Variants in AKAP10 observed in about 807,000 individuals in gnomAD.
The protein encoded by AKAP10 is A-kinase anchor protein 10, mitochondrial.
In AKAP10, 24 loss-of-function variants were observed where a neutral mutation model predicts 80.8. That is an observed-to-expected ratio of 0.30 (90% confidence interval 0.22 to 0.42). The LOEUF is 0.42. Among genes scored for constraint, AKAP10 ranks in the 10% least tolerant of loss-of-function variants. AKAP10 has a pLI of 1.00. For synonymous variants in AKAP10, 291 were observed against 277.7 expected (o/e 1.05, Z -0.48); for missense variants, 661 against 794.9 (o/e 0.83, Z 2.03).
In AKAP10 at chr17:19,927,536, C is replaced by G. The variant is rs571999349; in HGVS notation, c.1642-3019G>C. ...CAAAGGGGCTGAGCAAGGTGGCTCACGCCTGTACTCCCCACACTTTGGGAG... is the reference window on the plus strand; with the variant it reads ...CAAAGGGGCTGAGCAAGGTGGCTCAGGCCTGTACTCCCCACACTTTGGGAG... On this transcript the variant is annotated intron_variant, in intron 10 of 14. Transcript: ENST00000225737. 3.9e-5 allele frequency among the ~76,000 whole-genome samples: 6 copies of G among 152,160 alleles called. No homozygotes were observed. In the East Asian group the frequency reaches 1.2e-3, roughly 29 times the overall value.
chr17:19,975,403 G>T lies in AKAP10; in HGVS notation c.88+2189C>A, dbSNP rs114407038. Among the ~76,000 whole-genome samples the T allele has an allele frequency of 1.8e-3, 267 of 152,244 alleles. 1 individual carries two copies. Among genetic ancestry groups the T allele is most frequent in the African/African-American group, 6.3e-3 (260 of 41,534 alleles). On this transcript the variant is annotated intron_variant, in intron 1 of 14. Transcript: ENST00000225737. The stretch of plus-strand genomic sequence containing the variant: ...TGCCTACATCTATGCTCCAGTCACA[G>T]TAGCCTTCTTTCCTCTCTTGAAGGG...
At chr17:19,910,858 C>T (rs1214715828) in intron 12 of AKAP10, among the ~76,000 whole-genome samples, 1 of 152,112 alleles carries the variant, frequency 6.6e-6, no homozygotes, top group Admixed American at 6.5e-5. Context: ...CCTTAACTCC[C>T]TAGGATGTAT....
chr17:19,941,155 T>C, intron 6 of AKAP10, 145 bp from the exon 7 acceptor site: 3 of 836,274 alleles, frequency 3.6e-6, no homozygotes, highest in Non-Finnish European at 5.3e-6. Context: ...CATTCCTGAT[T>C]CCTTTACCTG....
chr17:19,956,724 G>A (rs1043965423), intron 4 of AKAP10, among the ~76,000 whole-genome samples: 1 of 152,104 alleles, frequency 6.6e-6, no homozygotes, highest in Admixed American at 6.6e-5. Flanking sequence ...ATAACATGCC[G>A]TCAGGTGTGG....
At chr17:19,933,315 G>A (rs1466193466) in intron 9 of AKAP10, among the ~76,000 whole-genome samples, 6 of 152,092 alleles carry the variant, frequency 3.9e-5, no homozygotes, top group South Asian at 2.1e-4. Flanking sequence ...CACCGTGCCC[G>A]GCCAATATGT....
chr17:19,972,911 G>A (rs544493332), intron 1 of AKAP10, among the ~76,000 whole-genome samples: 1 of 152,006 alleles, frequency 6.6e-6, no homozygotes, highest in South Asian at 2.1e-4. Flanking sequence ...AACATTCCAG[G>A]CTCTTATTTA....
At chr17:19,913,387 C>T (rs2042712201) in intron 12 of AKAP10, among the ~76,000 whole-genome samples, 1 of 152,016 alleles carries the variant, frequency 6.6e-6, no homozygotes, top group Non-Finnish European at 1.5e-5. Flanking sequence ...CTCCTGACCT[C>T]GTGATCTGCC....
chr17:19,966,348 G>C (rs2043418568), intron 2 of AKAP10, among the ~76,000 whole-genome samples: 1 of 151,922 alleles, frequency 6.6e-6, no homozygotes, highest in Admixed American at 6.6e-5. Flanking sequence ...TAAGCCATCT[G>C]TGGAATTACT....
intron 3 of AKAP10, among the ~76,000 whole-genome samples, chr17:19,961,599 T>A (rs1396960590): frequency 6.6e-6 from 1 of 152,216 alleles, no homozygotes; most frequent in African/African-American, 2.4e-5. Flanking sequence ...AGAAGTCCAT[T>A]GGTTCATGGA....
chr17:19,947,227 G>A, intron 5 of AKAP10, 180 bp downstream of exon 5: 1 of 582,966 alleles, frequency 1.7e-6, no homozygotes, highest in Non-Finnish European at 3.0e-6. Context: ...CGCACCGAAT[G>A]CAGCCGAGAA....
intron 10 of AKAP10, among the ~76,000 whole-genome samples, chr17:19,927,554 T>C (rs1161793151): frequency 6.6e-6 from 1 of 151,998 alleles, no homozygotes; most frequent in Non-Finnish European, 1.5e-5. Context: ...CTCCCCACAC[T>C]TTGGGAGGCC....
rs1416130701 is a variant in AKAP10, at chr17:19,958,255, T to TGAG, written c.633_635dup (p.Ser212dup). 6.2e-7 allele frequency: 1 copy of TGAG among 1,614,250 alleles called. No individual in the cohort carries two copies. Among genetic ancestry groups the TGAG allele is most frequent in the Non-Finnish European group, 8.5e-7 (1 of 1,180,052 alleles). On this transcript the variant is annotated inframe_insertion, in exon 4 of 15. Transcript: ENST00000225737. ...CTGAATGAGTCATAAACAACTGTGCTGAGCCAGAATCCTCCAATCTCTTAT... is the reference window on the plus strand; with the variant it reads ...CTGAATGAGTCATAAACAACTGTGCTGAGGAGCCAGAATCCTCCAATCTCTTAT...
intron 8 of AKAP10, among the ~76,000 whole-genome samples, chr17:19,936,773 A>G (rs1567760506): frequency 6.6e-6 from 1 of 151,250 alleles, no homozygotes; most frequent in South Asian, 2.1e-4. Flanking sequence ...AGGACTTGAT[A>G]GATAGAAAGG....
At chr17:19,946,222 TTATATATATATATATTATATA>T (rs1245375858) in intron 5 of AKAP10, among the ~76,000 whole-genome samples, 1 of 33,958 alleles carries the variant, frequency 2.9e-5, no homozygotes, top group African/African-American at 1.0e-4. Context: ...TATATATATT[TTATATATATATATATTATATA>T]TATATATATA....
Position 19,962,295 on chromosome 17 carries a change from T to TACAC in AKAP10, c.319+541_319+544dup, listed in dbSNP as rs36115670. On this transcript the variant is annotated intron_variant, in intron 3 of 14. Transcript: ENST00000225737. ...ACATACATACATACATACATACATATACACACACACACACACACACACACA... is the reference window on the plus strand; with the variant it reads ...ACATACATACATACATACATACATATACACACACACACACACACACACACACACA... Among the ~76,000 whole-genome samples the TACAC allele has an allele frequency of 8.4e-3, 1,057 of 125,134 alleles. 8 individuals carry two copies. Among genetic ancestry groups the TACAC allele is most frequent in the Non-Finnish European group, 0.012 (688 of 57,378 alleles). The allele number at this position is 125,134 out of a possible 152,430, so 82.1% of individuals were successfully genotyped here. A position where few individuals can be genotyped will look rare whatever the true frequency, so the allele number is the denominator to read the frequency against.
At chr17:19,964,209 T>C (rs2043387949) in intron 2 of AKAP10, among the ~76,000 whole-genome samples, 1 of 152,228 alleles carries the variant, frequency 6.6e-6, no homozygotes, top group Admixed American at 6.5e-5. Context: ...GACTCTCGCA[T>C]TGTTTCTTAA....
chr17:19,915,069 T>C (rs908066334), intron 12 of AKAP10, among the ~76,000 whole-genome samples: 1 of 152,154 alleles, frequency 6.6e-6, no homozygotes, highest in South Asian at 2.1e-4. Context: ...GGAAAAGGTA[T>C]ATTGAAAAGT....
At chr17:19,968,553 G>C in intron 1 of AKAP10, 92 bp from the exon 2 acceptor site, 2 of 1,075,556 alleles carry the variant, frequency 1.9e-6, no homozygotes, top group Non-Finnish European at 2.8e-6. Flanking sequence ...ATTCTAAGAT[G>C]AGTATTCAAA....
chr17:19,936,504 A>G (rs1359209228), intron 8 of AKAP10, 74 bp from the exon 9 acceptor site: 18 of 1,411,760 alleles, frequency 1.3e-5, no homozygotes, highest in Non-Finnish European at 1.7e-5. Flanking sequence ...CCTCCTCCAG[A>G]GAATCTTATA....
Sources: allele counts gnomAD v4.1 joint callset (sites outside exome capture counted in the v4.1 genomes callset), GRCh38; gene constraint gnomAD v4.1.1; transcripts MANE v1.5; gene names NCBI Gene and HGNC (gene_info 2026-07-23, HGNC 2026-07-21).